Variants in ZKSCAN1 observed in about 807,000 individuals in gnomAD.
ZKSCAN1 encodes the protein zinc finger with KRAB and SCAN domains 1.
In ZKSCAN1, 14 loss-of-function variants were observed where a neutral mutation model predicts 51.6. That is an observed-to-expected ratio of 0.27 (90% CI 0.18 to 0.42). The LOEUF is 0.42. Ranked by LOEUF, ZKSCAN1 falls within the 10% of genes least tolerant of loss-of-function variation. The pLI, the probability that ZKSCAN1 is intolerant of heterozygous loss-of-function variation, is 1.00. For synonymous variants in ZKSCAN1, 263 were observed against 261.5 expected, an observed-to-expected ratio of 1.01 and a Z score of -0.06; for missense variants, 531 against 710.0, an observed-to-expected ratio of 0.75 and a Z score of 2.86.
intron 3 of ZKSCAN1, among the ~76,000 whole-genome samples, chr7:100,029,327 A>G (rs1017472108): frequency 8.6e-5 from 13 of 152,032 alleles, no homozygotes; most frequent in African/African-American, 3.1e-4. Flanking sequence ...GTGCGTGATC[A>G]TAGCTCACTG....
downstream of ZKSCAN1, among the ~76,000 whole-genome samples, chr7:100,043,867 C>G (rs34065606): frequency 0.1 from 14,651 of 145,832 alleles, 981 homozygotes; most frequent in Non-Finnish European, 0.15. Context: ...ACCTCCACCC[C>G]CTGGGTTCAA....
At chr7:100,043,771 ATTTTTTTT>A (rs772298225), downstream of ZKSCAN1, among the ~76,000 whole-genome samples, 6 of 58,916 alleles carry the variant, frequency 1.0e-4, no homozygotes, top group African/African-American at 3.9e-4. Flanking sequence ...TTCTTTCTTG[ATTTTTTTT>A]TTTTTTTTTT....
At chr7:100,022,532 T>C (rs75198357) in intron 1 of ZKSCAN1, among the ~76,000 whole-genome samples, 2,791 of 152,350 alleles carry the variant, frequency 0.018, 45 homozygotes, top group Non-Finnish European at 0.028. Flanking sequence ...AATTATTTTC[T>C]TTCTGTATCC....
At position 100,039,708 on chromosome 7, in the gene ZKSCAN1, T is replaced by TA; in HGVS notation, c.*5514dup. ...TGGAGTAACAGAACTGAAATACACT[T>TA]AAACAGTGACAGCAGTACTTCCCAG... On this transcript the variant is annotated 3_prime_UTR_variant, in exon 6 of 6. Transcript: ENST00000324306. 19 of 985,436 alleles carry TA rather than the reference T, an allele frequency of 1.9e-5. No individual in the cohort carries two copies. The highest frequency in any genetic ancestry group is 2.3e-5 in the Non-Finnish European group (19 of 829,944). The allele number at this position is 985,436 out of a possible 1,614,324, so 61.0% of individuals were successfully genotyped here. A position where few individuals can be genotyped will look rare whatever the true frequency, so the allele number is the denominator to read the frequency against.
At chr7:100,029,008 T>C (rs1374821024) in intron 3 of ZKSCAN1, among the ~76,000 whole-genome samples, 1 of 151,678 alleles carries the variant, frequency 6.6e-6, no homozygotes, top group Non-Finnish European at 1.5e-5. Context: ...CTACTAAAAA[T>C]ACAAAATTAG....
At chr7:100,020,388 A>G (rs1790543081) in intron 1 of ZKSCAN1, among the ~76,000 whole-genome samples, 1 of 152,182 alleles carries the variant, frequency 6.6e-6, no homozygotes, top group Non-Finnish European at 1.5e-5. Flanking sequence ...CAGGCACTGG[A>G]AAGTATTAAC....
At chr7:100,031,712 C>A (rs185703053) in intron 5 of ZKSCAN1, among the ~76,000 whole-genome samples, 1 of 152,300 alleles carries the variant, frequency 6.6e-6, no homozygotes, top group Admixed American at 6.5e-5. Flanking sequence ...ACTGTCAGCT[C>A]TGTGTTCCTC....
chr7:100,021,474 G>A (rs748749089), intron 1 of ZKSCAN1, among the ~76,000 whole-genome samples: 1 of 152,068 alleles, frequency 6.6e-6, no homozygotes, highest in Non-Finnish European at 1.5e-5. Flanking sequence ...CTGGATACTT[G>A]ACATCATTTT....
chr7:100,036,911 G>C lies in ZKSCAN1; in HGVS notation c.*2714G>C. The C allele has an allele frequency of 1.0e-6, 1 of 984,918 alleles. No homozygotes were observed. Among genetic ancestry groups the C allele is most frequent in the Non-Finnish European group, 1.2e-6 (1 of 829,838 alleles). The allele number at this position is 984,918 out of a possible 1,614,324, so 61.0% of individuals were successfully genotyped here. ...TTTTGAGTTTTGTTTTTAAATGAAG[G>C]TTAAATGTGACCTGTGCCCTCACAT... On this transcript the variant is annotated 3_prime_UTR_variant, in exon 6 of 6. Coordinates refer to ENST00000324306, the MANE Select transcript of ZKSCAN1 (RefSeq NM_003439.4).
At position 100,030,269 on chromosome 7, in the gene ZKSCAN1, C is replaced by T. The variant is rs1418940453; in HGVS notation, c.693C>T (p.Asp231=). Residue 231 remains aspartate, a synonymous_variant, in exon 5 of 6, where the codon GAC becomes GAT. Coordinates refer to ENST00000324306, the MANE Select transcript of ZKSCAN1 (RefSeq NM_003439.4). ...ADSQAMVKIE[D]MAVSLILEEW... Reference sequence around the variant, plus strand: ...TTTAGGCAATGGTGAAGATCGAGGACATGGCTGTGTCCCTCATTCTGGAGG... The same window carrying T: ...TTTAGGCAATGGTGAAGATCGAGGATATGGCTGTGTCCCTCATTCTGGAGG... 1 of 1,610,798 alleles carries T rather than the reference C, an allele frequency of 6.2e-7. No homozygotes were observed. The highest frequency in any genetic ancestry group is 1.3e-5 in the African/African-American group (1 of 74,226).
At chr7:100,017,976 T>C (rs772028894) in intron 1 of ZKSCAN1, among the ~76,000 whole-genome samples, 1 of 152,254 alleles carries the variant, frequency 6.6e-6, no homozygotes, top group Non-Finnish European at 1.5e-5. Context: ...AAGACATTTC[T>C]GTAGTGCCTA....
downstream of ZKSCAN1, among the ~76,000 whole-genome samples, chr7:100,042,766 G>A (rs1332631706): frequency 1.4e-5 from 2 of 141,714 alleles, no homozygotes; most frequent in Admixed American, 1.4e-4. Context: ...GTGTGTATAC[G>A]AATACACCAC....
At position 100,024,347 on chromosome 7, in the gene ZKSCAN1, C is replaced by G. The variant is rs770075633; in HGVS notation, c.580+40C>G. ...TTCATTTAGGGGAAGGGAAATGATT[C>G]AGGACGAGAGTCTTTGTGCTGCTGA... On this transcript the variant is annotated intron_variant, in intron 3 of 5. Transcript: ENST00000324306. 2.5e-6 allele frequency: 4 copies of G among 1,606,430 alleles called. No individual in the cohort carries two copies. The African/African-American group carries it at 4.0e-5, about 16-fold the overall frequency.
chr7:100,043,822 G>A (rs1388166799), downstream of ZKSCAN1, among the ~76,000 whole-genome samples: 2 of 104,962 alleles, frequency 1.9e-5, no homozygotes, highest in Non-Finnish European at 1.7e-5. Flanking sequence ...TCTCTCTGTT[G>A]CCCAAGCTGG....
At chr7:100,016,566 A>AT (rs998315298) in intron 1 of ZKSCAN1, among the ~76,000 whole-genome samples, 2 of 152,046 alleles carry the variant, frequency 1.3e-5, no homozygotes, top group Non-Finnish European at 2.9e-5. Flanking sequence ...AACTAACTGG[A>AT]TTTTCTCAAA....
intron 1 of ZKSCAN1, among the ~76,000 whole-genome samples, chr7:100,021,908 TA>T (rs1325779759): frequency 6.6e-6 from 1 of 151,980 alleles, no homozygotes; most frequent in Non-Finnish European, 1.5e-5. Context: ...CATGCCCAGC[TA>T]ATTTTTTTCT....
At chr7:100,042,602 G>A (rs187392760), downstream of ZKSCAN1, among the ~76,000 whole-genome samples, 20 of 152,092 alleles carry the variant, frequency 1.3e-4, no homozygotes, top group East Asian at 3.3e-3. Flanking sequence ...CTGTGCTTTG[G>A]ACCGGCTATA....
chr7:100,036,158 G>C lies in ZKSCAN1; in HGVS notation c.*1961G>C. On this transcript the variant is annotated 3_prime_UTR_variant, in exon 6 of 6. Transcript: ENST00000324306. Reference sequence around the variant, plus strand: ...GTGGTCATTCTTTGGCCTCTCCTTGGCTTTATGACTTAAACCAACTACAAC... The same window carrying C: ...GTGGTCATTCTTTGGCCTCTCCTTGCCTTTATGACTTAAACCAACTACAAC... 4 of 985,326 alleles carry C rather than the reference G, an allele frequency of 4.1e-6. No homozygotes were observed. The highest frequency in any genetic ancestry group is 4.8e-6 in the Non-Finnish European group (4 of 829,904). The allele number at this position is 985,326 out of a possible 1,614,324, so 61.0% of individuals were successfully genotyped here.
intron 5 of ZKSCAN1, among the ~76,000 whole-genome samples, chr7:100,032,163 A>G (rs1361288878): frequency 1.3e-5 from 2 of 152,260 alleles, no homozygotes; most frequent in South Asian, 4.1e-4. Context: ...AATATTTACT[A>G]TTCCTTTCTT....
Sources: allele counts gnomAD v4.1 joint callset (sites outside exome capture counted in the v4.1 genomes callset), GRCh38; gene constraint gnomAD v4.1.1; transcripts MANE v1.5; gene names NCBI Gene and HGNC (gene_info 2026-07-23, HGNC 2026-07-21).